TCL1B: variants seen among roughly 807,000 people sequenced by gnomAD.
TCL1B encodes TCL1 family AKT coactivator B, also known as T-cell leukemia/lymphoma protein 1B.
Under a neutral mutation model 16.9 loss-of-function variants are expected in TCL1B, and 14 were observed. The ratio of observed to expected loss-of-function variants is 0.83; its 90% confidence interval spans 0.55 to 1.30. The LOEUF (loss-of-function observed/expected upper bound fraction) is 1.30, where lower values mean the gene tolerates loss of function less well. Among genes scored for constraint, TCL1B ranks in the 50% most tolerant of loss-of-function variants. The probability of loss-of-function intolerance (pLI) is 0.00; values close to 1 mark genes in which losing one functional copy is unlikely to be tolerated. For synonymous variants in TCL1B, 79 were observed against 66.6 expected (o/e 1.19, Z -0.91); for missense variants, 166 against 165.2 (o/e 1.00, Z -0.03).
chr14:95,687,153 A>T (rs1206817609), intron 1 of TCL1B, among the ~76,000 whole-genome samples: 2 of 152,228 alleles, frequency 1.3e-5, no homozygotes, highest in African/African-American at 4.8e-5. Flanking sequence ...CACCGCCTGA[A>T]TGGCCTGGGG....
At chr14:95,691,473 C>A in intron 3 of TCL1B, 137 bp downstream of exon 3, 1 of 734,528 alleles carries the variant, frequency 1.4e-6, no homozygotes. Flanking sequence ...CCTGTCACCT[C>A]TGTTCCCCAG....
intron 1 of TCL1B, 41 bp from the exon 2 acceptor site, chr14:95,690,695 A>G (rs1014227632): frequency 6.3e-7 from 1 of 1,585,940 alleles, no homozygotes; most frequent in South Asian, 1.1e-5. Context: ...TTGGCAGGGA[A>G]CCCTATCCAT....
intron 1 of TCL1B, among the ~76,000 whole-genome samples, chr14:95,687,877 G>A (rs1266761378): frequency 6.7e-6 from 1 of 148,732 alleles, no homozygotes; most frequent in East Asian, 2.0e-4. Context: ...GCGTGAACCC[G>A]GGAGGCGAAG....
In TCL1B at chr14:95,686,540, G is replaced by A. The variant is rs1301280694; in HGVS notation, c.73G>A (p.Glu25Lys). 4 of 1,613,978 alleles carry A rather than the reference G, an allele frequency of 2.5e-6. No individual in the cohort carries two copies. The highest frequency in any genetic ancestry group is 3.4e-6 in the Non-Finnish European group (4 of 1,179,928). Reference protein sequence around the residue: ...RLWIQRPGIYEDEEGRTWVTV... With the variant: ...RLWIQRPGIYKDEEGRTWVTV... ...GTGGATCCAGAGGCCTGGCATCTACGAAGATGAGGAGGGGAGAACCTGGGT... is the reference window on the plus strand; with the variant it reads ...GTGGATCCAGAGGCCTGGCATCTACAAAGATGAGGAGGGGAGAACCTGGGT... The change falls in exon 1 of 4, where the codon GAA becomes AAA. Residue 25 changes from glutamate (E) to lysine (K), a missense_variant. By Grantham distance (56) the Glu-to-Lys change is moderately conservative. Transcript: ENST00000340722.
intron 1 of TCL1B, among the ~76,000 whole-genome samples, chr14:95,689,090 T>G (rs886900821): frequency 6.6e-6 from 1 of 152,116 alleles, no homozygotes; most frequent in Admixed American, 6.5e-5. Flanking sequence ...ATCGAGACCA[T>G]CCTGGCTAAC....
chr14:95,688,058 T>C (rs556276624), intron 1 of TCL1B: 1 of 152,020 alleles, frequency 6.6e-6, no homozygotes, highest in East Asian at 1.9e-4. Context: ...TGCACTGGTG[T>C]GATGTTGGCT....
chr14:95,692,087 A>C lies in TCL1B; in HGVS notation c.*172A>C, dbSNP rs971084483. ...ACACTCAGTTTCTCTCGTTTTCCTTAGTTATCAGTCCTGTCCTGTCCCACT... is the reference window on the plus strand; with the variant it reads ...ACACTCAGTTTCTCTCGTTTTCCTTCGTTATCAGTCCTGTCCTGTCCCACT... On this transcript the variant is annotated 3_prime_UTR_variant, in exon 4 of 4. Coordinates refer to ENST00000340722, the MANE Select transcript of TCL1B (RefSeq NM_004918.4). 2 of 152,354 alleles carry C rather than the reference A, an allele frequency of 1.3e-5. No individual in the cohort carries two copies. Among genetic ancestry groups the C allele is most frequent in the Non-Finnish European group, 2.9e-5 (2 of 68,256 alleles). 9.4% of individuals were successfully genotyped at this position (152,354 alleles called of 1,614,324 possible).
rs765005931 is a variant in TCL1B, at chr14:95,690,839, A to G, written c.266A>G (p.Gln89Arg). The G allele has an allele frequency of 6.2e-7, 1 of 1,614,118 alleles. No individual in the cohort carries two copies. The highest frequency in any genetic ancestry group is 1.7e-5 in the Admixed American group (1 of 60,022). Residue 89 changes from glutamine (Q) to arginine (R), a missense_variant, in exon 2 of 4, where the codon CAG (glutamine) becomes CGG (arginine). Physicochemically the swap from Gln to Arg is conservative, Grantham distance 43. Transcript: ENST00000340722. ...MPFSQLPAVW[Q>R]LYPGRKYRAA... is the part of the protein sequence containing the mutation. ...TTCTCCCAGCTGCCCGCCGTGTGGC[A>G]GCTCTACCCCGGGAGGAAGTACCGA... is the stretch of plus-strand genomic sequence containing the variant.
chr14:95,687,040 C>T (rs1428394245), intron 1 of TCL1B, among the ~76,000 whole-genome samples: 2 of 152,132 alleles, frequency 1.3e-5, no homozygotes, highest in Admixed American at 6.5e-5. Context: ...ACCAGGTGGG[C>T]CAACAGGATG....
rs542592522 is a variant in TCL1B at position 95,690,862 on chromosome 14, C to T, written c.289C>T (p.Arg97Ter). 29 of 1,614,158 alleles carry T rather than the reference C, an allele frequency of 1.8e-5. No individual in the cohort carries two copies. Among genetic ancestry groups the T allele is most frequent in the Middle Eastern group, 3.3e-4 (2 of 6,060 alleles). The change falls in exon 2 of 4, where the codon CGA (arginine) becomes TGA (stop). Residue 97 changes from arginine to a stop codon, truncating the protein, a stop_gained. Transcript: ENST00000340722. LOFTEE classifies it high-confidence loss of function. ...VWQLYPGRKY[R>*]AADSSFWEIA... is the part of the protein sequence containing the mutation. ...GCAGCTCTACCCCGGGAGGAAGTAC[C>T]GAGCAGCGGATTCCAGTTTCTGGGA...
At chr14:95,691,142 C>A in intron 2 of TCL1B, 126 bp from the exon 3 acceptor site, 1 of 1,222,746 alleles carries the variant, frequency 8.2e-7, no homozygotes, top group South Asian at 1.5e-5. Context: ...CTAGGGAAAT[C>A]CACAAGCTGG....
chr14:95,689,045 G>C (rs963656841), intron 1 of TCL1B, among the ~76,000 whole-genome samples: 4 of 152,146 alleles, frequency 2.6e-5, no homozygotes, highest in Non-Finnish European at 4.4e-5. Flanking sequence ...CCAGCACTTT[G>C]GGGGGCCGAG....
chr14:95,689,078 A>T (rs1241745294), intron 1 of TCL1B, among the ~76,000 whole-genome samples: 1 of 151,980 alleles, frequency 6.6e-6, no homozygotes, highest in Non-Finnish European at 1.5e-5. Context: ...CAAGGTCAGG[A>T]GATCGAGACC....
At chr14:95,686,727 C>G in intron 1 of TCL1B, 98 bp downstream of exon 1, 1 of 1,386,382 alleles carries the variant, frequency 7.2e-7, no homozygotes. Context: ...CGTTCTCACC[C>G]GCACTGGAAA....
At chr14:95,689,589 A>G (rs1885839301) in intron 1 of TCL1B, among the ~76,000 whole-genome samples, 2 of 152,246 alleles carry the variant, frequency 1.3e-5, no homozygotes, top group South Asian at 4.1e-4. Context: ...ATTGCAGTGC[A>G]AAAGCAGCTA....
chr14:95,689,009 G>T (rs915165504), intron 1 of TCL1B, among the ~76,000 whole-genome samples: 1 of 152,208 alleles, frequency 6.6e-6, no homozygotes, highest in Non-Finnish European at 1.5e-5. Flanking sequence ...ACAGTTGGCC[G>T]GGTGCGGTGG....
chr14:95,692,267 T>C lies in TCL1B; in HGVS notation c.*352T>C, dbSNP rs1295049317. 2 of 152,430 alleles carry C rather than the reference T, an allele frequency of 1.3e-5. No homozygotes were observed. The highest frequency in any genetic ancestry group is 2.9e-5 in the Non-Finnish European group (2 of 68,302). The allele number at this position is 152,430 out of a possible 1,614,324, so 9.4% of individuals were successfully genotyped here. A position where few individuals can be genotyped will look rare whatever the true frequency, so the allele number is the denominator to read the frequency against. On this transcript the variant is annotated 3_prime_UTR_variant, in exon 4 of 4. Coordinates refer to ENST00000340722, the MANE Select transcript of TCL1B (RefSeq NM_004918.4). ...AGATGCCACTCCCAAATCCCCTTCA[T>C]ACCCACCAGGATGTGTGCCCAGCCA... is the stretch of plus-strand genomic sequence containing the variant.
In TCL1B at chr14:95,686,504, C is replaced by T; in HGVS notation, c.37C>T (p.Pro13Ser). Residue 13 changes from proline (P) to serine (S), a missense_variant, in exon 1 of 4, where the codon CCT becomes TCT. Physicochemically the swap from Pro to Ser is moderately conservative, Grantham distance 74 (BLOSUM62 -1). Transcript: ENST00000340722. ...AGCTTCTGTGCGTCTAGGGGTGCCCCCTGGCCGTCTGTGGATCCAGAGGCC... is the reference window on the plus strand; with the variant it reads ...AGCTTCTGTGCGTCTAGGGGTGCCCTCTGGCCGTCTGTGGATCCAGAGGCC... ...SEASVRLGVP[P>S]GRLWIQRPGI... 6 of 1,612,742 alleles carry T rather than the reference C, an allele frequency of 3.7e-6. No individual in the cohort carries two copies. The highest frequency in any genetic ancestry group is 1.3e-5 in the African/African-American group (1 of 74,978).
rs530303849 is a variant in TCL1B, at chr14:95,689,058, G to A, written c.163-1678G>A. Reference sequence around the variant, plus strand: ...TCCCAGCACTTTGGGGGGCCGAGGCGGGCGGATCACAAGGTCAGGAGATCG... The same window carrying A: ...TCCCAGCACTTTGGGGGGCCGAGGCAGGCGGATCACAAGGTCAGGAGATCG... On this transcript the variant is annotated intron_variant, in intron 1 of 3. Transcript: ENST00000340722. Among the ~76,000 whole-genome samples, 91 of 152,094 alleles carry A rather than the reference G, an allele frequency of 6.0e-4. 1 individual carries two copies. Among genetic ancestry groups the A allele is most frequent in the Non-Finnish European group, 1.1e-3 (74 of 67,992 alleles).
Sources: gnomAD v4.1 joint callset for allele counts (sites outside exome capture counted in the v4.1 genomes callset) on GRCh38, gnomAD v4.1.1 for gene constraint, MANE v1.5 for transcripts, NCBI Gene and HGNC (gene_info 2026-07-23, HGNC 2026-07-21) for gene names.